PLPP4: variants seen among roughly 807,000 people sequenced by gnomAD.
PLPP4 encodes phospholipid phosphatase 4.
PLPP4 carries 20 observed loss-of-function variants against 32.2 expected under a neutral mutation model. The ratio of observed to expected loss-of-function variants is 0.62; its 90% CI spans 0.44 to 0.90. The LOEUF is 0.90. Among genes scored for constraint, PLPP4 ranks in the 40% least tolerant of loss-of-function variants. The pLI, the probability that PLPP4 is intolerant of heterozygous loss-of-function variation, is 0.00. For synonymous variants in PLPP4, 127 were observed against 133.0 expected (o/e 0.95, Z 0.31); for missense variants, 257 against 353.1 (o/e 0.73, Z 2.18).
chr10:120,577,705 A>C (rs1318506130), intron 6 of PLPP4, among the ~76,000 whole-genome samples: 1 of 152,176 alleles, frequency 6.6e-6, no homozygotes, highest in South Asian at 2.1e-4. Flanking sequence ...CCCAAACTGA[A>C]TGTGCATCTC....
intron 5 of PLPP4, among the ~76,000 whole-genome samples, chr10:120,524,526 G>A (rs916363988): frequency 2.6e-5 from 4 of 152,116 alleles, no homozygotes; most frequent in Admixed American, 1.3e-4. Flanking sequence ...TCCTCATATC[G>A]TCCTTAGAAC....
At chr10:120,464,689 A>C (rs888151626) in intron 1 of PLPP4, among the ~76,000 whole-genome samples, 2 of 152,164 alleles carry the variant, frequency 1.3e-5, no homozygotes, top group African/African-American at 4.8e-5. Flanking sequence ...GCTGCATTAG[A>C]TAACATACTA....
chr10:120,536,824 A>T (rs1378646292), intron 5 of PLPP4, among the ~76,000 whole-genome samples: 1 of 152,190 alleles, frequency 6.6e-6, no homozygotes, highest in Non-Finnish European at 1.5e-5. Context: ...TAACCTCAAA[A>T]ATATATGAAG....
chr10:120,554,543 C>G (rs1848061755), intron 5 of PLPP4, among the ~76,000 whole-genome samples: 1 of 152,174 alleles, frequency 6.6e-6, no homozygotes, highest in African/African-American at 2.4e-5. Context: ...CCCCACTTCT[C>G]TGGTACCAAT....
intron 5 of PLPP4, among the ~76,000 whole-genome samples, chr10:120,555,654 C>T (rs1325011142): frequency 1.3e-5 from 2 of 152,198 alleles, no homozygotes; most frequent in Non-Finnish European, 2.9e-5. Flanking sequence ...CACGGGTCTG[C>T]CTGGCGTAGT....
rs1849912245 is a variant in PLPP4 at position 120,589,368 on chromosome 10, C to G, written c.682C>G (p.Pro228Ala). 1 of 1,614,206 alleles carries G rather than the reference C, an allele frequency of 6.2e-7. No homozygotes were observed. The change falls in exon 7 of 7, where the codon CCT becomes GCT. Residue 228 changes from proline (P) to alanine (A), a missense_variant. Coordinates refer to ENST00000398250, the MANE Select transcript of PLPP4 (RefSeq NM_001030059.3). ...CATTTGCTACAGACAGCACTATCCT[C>G]CTCTGGCCAACACAGCTTGCCATAA... is the stretch of plus-strand genomic sequence containing the variant. ...AYICYRQHYP[P>A]LANTACHKPY...
chr10:120,535,912 A>G (rs956790786), intron 5 of PLPP4, among the ~76,000 whole-genome samples: 3 of 152,078 alleles, frequency 2.0e-5, no homozygotes, highest in African/African-American at 7.2e-5. Flanking sequence ...CTGACTTGTA[A>G]CAGTCTTCCA....
At chr10:120,497,557 G>A (rs1489002814) in intron 1 of PLPP4, among the ~76,000 whole-genome samples, 1 of 152,122 alleles carries the variant, frequency 6.6e-6, no homozygotes, top group Non-Finnish European at 1.5e-5. Flanking sequence ...AAACTAAAGA[G>A]AAAATTGCTT....
At chr10:120,513,207 T>C (rs1845800042) in intron 2 of PLPP4, among the ~76,000 whole-genome samples, 1 of 152,188 alleles carries the variant, frequency 6.6e-6, no homozygotes, top group Admixed American at 6.5e-5. Context: ...CCCAGGCACA[T>C]CACCTAGTCC....
intron 1 of PLPP4, among the ~76,000 whole-genome samples, chr10:120,476,117 C>T (rs1211801781): frequency 6.6e-6 from 1 of 152,144 alleles, no homozygotes; most frequent in Non-Finnish European, 1.5e-5. Flanking sequence ...TGCAGTGGAG[C>T]TGGGACTTGG....
intron 3 of PLPP4, among the ~76,000 whole-genome samples, chr10:120,517,207 A>G (rs542613861): frequency 1.3e-5 from 2 of 152,314 alleles, no homozygotes; most frequent in South Asian, 4.1e-4. Flanking sequence ...TAGGACCAGG[A>G]TGATAATGAG....
rs183634761 is a variant in PLPP4, at chr10:120,478,331, G to A, written c.56+20970G>A. ...TGCAGCTTCCAGGCCCAGATACTTG[G>A]CACATCTTCCAGGAAGGGAGGTGTT... On this transcript the variant is annotated intron_variant, in intron 1 of 6. Transcript: ENST00000398250. Among the ~76,000 whole-genome samples the A allele has an allele frequency of 3.3e-5, 5 of 152,298 alleles. No individual in the cohort carries two copies. The East Asian group carries it at 5.8e-4, about 18-fold the overall frequency.
chr10:120,477,981 C>T (rs1372058185), intron 1 of PLPP4, among the ~76,000 whole-genome samples: 1 of 152,114 alleles, frequency 6.6e-6, no homozygotes, highest in Non-Finnish European at 1.5e-5. Context: ...CAAGTTTCTT[C>T]TCCAGGAAGA....
chr10:120,576,532 C>T (rs1490193823), intron 6 of PLPP4, among the ~76,000 whole-genome samples: 1 of 152,230 alleles, frequency 6.6e-6, no homozygotes, highest in Non-Finnish European at 1.5e-5. Context: ...TCTCCTGTTC[C>T]TTCCTGGTCT....
At chr10:120,477,887 C>T (rs376059392) in intron 1 of PLPP4, among the ~76,000 whole-genome samples, 1 of 152,196 alleles carries the variant, frequency 6.6e-6, no homozygotes, top group South Asian at 2.1e-4. Flanking sequence ...GGCCTGAGTA[C>T]AGCAGACAGG....
intron 6 of PLPP4, among the ~76,000 whole-genome samples, chr10:120,580,115 CAAAAAAAAAAAAA>C (rs10609637): frequency 7.5e-4 from 69 of 91,566 alleles, no homozygotes; most frequent in African/African-American, 2.9e-3. Flanking sequence ...GCGAGACTCT[CAAAAAAAAAAAAA>C]AAAAAAAAAA....
intron 2 of PLPP4, among the ~76,000 whole-genome samples, chr10:120,513,116 C>T (rs553304102): frequency 6.6e-6 from 1 of 152,138 alleles, no homozygotes. Flanking sequence ...TTACTAATTA[C>T]GGAAGCTGGA....
intron 5 of PLPP4, among the ~76,000 whole-genome samples, chr10:120,532,521 T>C (rs1846788950): frequency 6.6e-6 from 1 of 152,168 alleles, no homozygotes; most frequent in South Asian, 2.1e-4. Context: ...TTTTAGTATA[T>C]TGTCTATTGT....
At chr10:120,564,746 A>G (rs1848608104) in intron 5 of PLPP4, among the ~76,000 whole-genome samples, 2 of 151,934 alleles carry the variant, frequency 1.3e-5, no homozygotes, top group East Asian at 1.9e-4. Flanking sequence ...GCTTCTTACC[A>G]TAAAGACAAT....
Sources: allele counts gnomAD v4.1 joint callset (sites outside exome capture counted in the v4.1 genomes callset), GRCh38; gene constraint gnomAD v4.1.1; transcripts MANE v1.5; gene names NCBI Gene and HGNC (gene_info 2026-07-23, HGNC 2026-07-21).